HMCN1: variants seen among roughly 807,000 people sequenced by gnomAD.
HMCN1 encodes hemicentin-1.
In HMCN1, 321 loss-of-function variants were observed where a neutral mutation model predicts 625.9. The ratio of observed to expected loss-of-function variants is 0.51; its 90% confidence interval spans 0.47 to 0.56. The LOEUF (loss-of-function observed/expected upper bound fraction) is 0.56. Ranked by LOEUF, HMCN1 falls within the 20% of genes least tolerant of loss-of-function variation. The pLI is 0.00. For missense variants in HMCN1, 6,588 were observed against 6,887.3 expected (o/e 0.96, Z 1.54); for synonymous variants, 2,425 against 2,417.6 (o/e 1.00, Z -0.09).
chr1:185,803,205 C>CAAAAAAA, intron 1 of HMCN1, among the ~76,000 whole-genome samples: 34 of 58,746 alleles, frequency 5.8e-4, no homozygotes, highest in Non-Finnish European at 9.6e-4. Context: ...AAAAAAAAAG[C>CAAAAAAA]AAAAAAAAAA....
Position 186,082,953 on chromosome 1 carries a change from A to G in HMCN1, c.8876A>G (p.Asn2959Ser), listed in dbSNP as rs778469245. 102 of 1,581,872 alleles carry G rather than the reference A, an allele frequency of 6.4e-5. No individual in the cohort carries two copies. The highest frequency in any genetic ancestry group is 2.0e-4 in the East Asian group (9 of 43,940). ...AGSAKKYFNL[N>S]VHVPPSVIGP... Reference sequence around the variant, plus strand: ...AGTGCCAAAAAATATTTTAACCTCAATGTTCATGGTAAGAGCTCAGTTCCA... The same window carrying G: ...AGTGCCAAAAAATATTTTAACCTCAGTGTTCATGGTAAGAGCTCAGTTCCA... The change falls in exon 57 of 107, where the codon AAT becomes AGT. Residue 2959 changes from asparagine to serine, a missense_variant. By Grantham distance (46) the Asn-to-Ser change is conservative (BLOSUM62 1). Coordinates refer to ENST00000271588, the MANE Select transcript of HMCN1 (RefSeq NM_031935.3).
At chr1:186,166,129 C>A in intron 98 of HMCN1, 55 bp from the exon 99 acceptor site, 5 of 1,604,764 alleles carry the variant, frequency 3.1e-6, no homozygotes, top group Non-Finnish European at 8.5e-7. Context: ...TTTAATAACT[C>A]CCAGAAAGTA....
intron 11 of HMCN1, among the ~76,000 whole-genome samples, chr1:185,944,162 GA>G (rs5779267): frequency 9.8e-4 from 144 of 147,192 alleles, no homozygotes; most frequent in African/African-American, 2.8e-3. Context: ...AGGAAAGTGG[GA>G]AAAAAAAAAG....
At chr1:185,962,495 C>T (rs750148241) in intron 11 of HMCN1, 23 bp from the exon 12 acceptor site, 4 of 1,608,060 alleles carry the variant, frequency 2.5e-6, no homozygotes, top group Non-Finnish European at 3.4e-6. Context: ...CATTTTTCTA[C>T]ATACGTATAT....
intron 51 of HMCN1, among the ~76,000 whole-genome samples, 167 bp from the exon 52 acceptor site, chr1:186,070,442 TTTG>T (rs1658406220): frequency 6.6e-6 from 1 of 152,180 alleles, no homozygotes. Context: ...CCATCTTGTA[TTTG>T]AACACTCTTT....
intron 1 of HMCN1, among the ~76,000 whole-genome samples, chr1:185,840,541 G>GATGCCTTC (rs1458082388): frequency 6.6e-6 from 1 of 151,960 alleles, no homozygotes; most frequent in African/African-American, 2.4e-5. Context: ...TCATACCCTG[G>GATGCCTTC]ATGCCTTCAT....
intron 36 of HMCN1, among the ~76,000 whole-genome samples, chr1:186,031,148 C>A (rs2102197653): frequency 6.6e-6 from 1 of 152,066 alleles, no homozygotes; most frequent in African/African-American, 2.4e-5. Context: ...TTCATTTCAA[C>A]CTGAAGAACT....
chr1:186,175,922 AAG>A (rs1367897327), intron 103 of HMCN1, among the ~76,000 whole-genome samples: 4 of 151,596 alleles, frequency 2.6e-5, no homozygotes, highest in African/African-American at 9.7e-5. Context: ...AAAGAAAGAA[AAG>A]AGTTAAAGAA....
chr1:186,091,612 T>G (rs1305111136), intron 64 of HMCN1, among the ~76,000 whole-genome samples: 1 of 152,034 alleles, frequency 6.6e-6, no homozygotes, highest in Non-Finnish European at 1.5e-5. Context: ...GGAATAATAA[T>G]GTGGTAAAGA....
At chr1:186,156,704 C>CTGTT (rs1002496168) in intron 97 of HMCN1, among the ~76,000 whole-genome samples, 1 of 152,100 alleles carries the variant, frequency 6.6e-6, no homozygotes, top group Non-Finnish European at 1.5e-5. Context: ...GTTTTATCCA[C>CTGTT]TGTTATTTAT....
intron 60 of HMCN1, 63 bp from the exon 61 acceptor site, chr1:186,087,869 G>T: frequency 1.4e-6 from 2 of 1,430,042 alleles, no homozygotes; most frequent in South Asian, 2.3e-5. Context: ...ATCTAAACTC[G>T]AACAGTATGA....
chr1:185,846,195 C>A lies in HMCN1; in HGVS notation c.339+99C>A, dbSNP rs570410605. ...TAAATCTAAAAGACATAGTTGTTGG[C>A]TTTTTAAGGGACCCAATAATTGCCA... On this transcript the variant is annotated intron_variant, in intron 2 of 106. Coordinates refer to ENST00000271588, the MANE Select transcript of HMCN1 (RefSeq NM_031935.3). 2.3e-5 allele frequency: 21 copies of A among 914,546 alleles called. 1 individual carries two copies. In the African/African-American group the frequency reaches 2.5e-4, roughly 11 times the overall value. 56.7% of individuals were successfully genotyped at this position (914,546 alleles called of 1,614,324 possible).
At chr1:185,752,225 T>C (rs937889030) in intron 1 of HMCN1, among the ~76,000 whole-genome samples, 4 of 152,170 alleles carry the variant, frequency 2.6e-5, no homozygotes, top group Admixed American at 2.0e-4. Flanking sequence ...TTTTGACAGA[T>C]GGCAAGCTTT....
chr1:185,998,209 A>G (rs1652937825), intron 25 of HMCN1, among the ~76,000 whole-genome samples: 1 of 152,070 alleles, frequency 6.6e-6, no homozygotes, highest in Non-Finnish European at 1.5e-5. Context: ...GGTTTGTATG[A>G]GTTCTGGCAA....
chr1:185,851,806 C>A (rs1177492610), intron 2 of HMCN1, among the ~76,000 whole-genome samples: 1 of 150,676 alleles, frequency 6.6e-6, no homozygotes, highest in Admixed American at 6.6e-5. Flanking sequence ...TAAACACACA[C>A]CCCCCCCAAC....
Position 186,019,618 on chromosome 1 carries a change from G to A in HMCN1, c.5548G>A (p.Ala1850Thr). 6.2e-7 allele frequency: 1 copy of A among 1,611,160 alleles called. No homozygotes were observed. The highest frequency in any genetic ancestry group is 8.5e-7 in the Non-Finnish European group (1 of 1,177,664). ...CAAGCCTGTCGCCTTGCAGTGCATA[G>A]CCAATGGGATTCCAAATCCTTCCAT... ...KYKPVALQCI[A>T]NGIPNPSITW... is the part of the protein sequence containing the mutation. Residue 1850 changes from alanine (A) to threonine (T), a missense_variant, in exon 35 of 107, where the codon GCC becomes ACC. Coordinates refer to ENST00000271588, the MANE Select transcript of HMCN1 (RefSeq NM_031935.3).
rs886045659 is a variant in HMCN1, at chr1:185,734,740, T to C, written c.-40T>C. The C allele has an allele frequency of 4.4e-6, 7 of 1,608,524 alleles. No individual in the cohort carries two copies. The highest frequency in any genetic ancestry group is 6.0e-6 in the Non-Finnish European group (7 of 1,175,938). On this transcript the variant is annotated 5_prime_UTR_variant, in exon 1 of 107. Transcript: ENST00000271588. Reference sequence around the variant, plus strand: ...TGTTGAGGAGGACTGAGCACAGTGCTTAGGCGCTGAGGGGGAAAAAGAGGG... The same window carrying C: ...TGTTGAGGAGGACTGAGCACAGTGCCTAGGCGCTGAGGGGGAAAAAGAGGG...
intron 1 of HMCN1, among the ~76,000 whole-genome samples, chr1:185,820,226 C>G (rs1337990244): frequency 6.6e-6 from 1 of 152,004 alleles, no homozygotes; most frequent in Non-Finnish European, 1.5e-5. Context: ...TGTCTTTATC[C>G]TCCAAGAAAC....
intron 4 of HMCN1, among the ~76,000 whole-genome samples, chr1:185,866,270 G>A (rs1207727419): frequency 6.6e-6 from 1 of 150,812 alleles, no homozygotes; most frequent in African/African-American, 2.4e-5. Flanking sequence ...TGGTTTCTAA[G>A]ATTAAAAGTA....
Sources: gnomAD v4.1 joint callset for allele counts (sites outside exome capture counted in the v4.1 genomes callset) on GRCh38, gnomAD v4.1.1 for gene constraint, MANE v1.5 for transcripts, NCBI Gene and HGNC (gene_info 2026-07-23, HGNC 2026-07-21) for gene names.